Variants in NKAIN3 observed in about 807,000 individuals in gnomAD.
NKAIN3 encodes the protein sodium/potassium transporting ATPase interacting 3.
In NKAIN3, 25 loss-of-function variants were observed where a neutral mutation model predicts 30.2. That is an observed-to-expected ratio of 0.83 (90% CI 0.60 to 1.16). The LOEUF is 1.16. Among genes scored for constraint, NKAIN3 ranks in the 50% most tolerant of loss-of-function variants. The pLI is 0.00. For missense variants in NKAIN3, 225 were observed against 254.1 expected (o/e 0.89, Z 0.78); for synonymous variants, 91 against 89.6 (o/e 1.02, Z -0.09).
chr8:62,669,551 C>A (rs1195146138), intron 3 of NKAIN3, among the ~76,000 whole-genome samples: 1 of 152,142 alleles, frequency 6.6e-6, no homozygotes, highest in East Asian at 1.9e-4. Flanking sequence ...TGACTTTTTA[C>A]ATAATGTGTA....
At chr8:62,839,082 T>C (rs16929687) in intron 4 of NKAIN3, among the ~76,000 whole-genome samples, 16,779 of 152,022 alleles carry the variant, frequency 0.11, 983 homozygotes, top group African/African-American at 0.15. Flanking sequence ...CAGCTATCTC[T>C]CTAATAGGCA....
At chr8:62,916,517 C>G (rs557031394) in intron 4 of NKAIN3, among the ~76,000 whole-genome samples, 1 of 152,248 alleles carries the variant, frequency 6.6e-6, no homozygotes, top group Admixed American at 6.5e-5. Context: ...TGTTTGTTCT[C>G]TCACTGTCCC....
At chr8:62,304,339 G>T (rs1010287157) in intron 1 of NKAIN3, among the ~76,000 whole-genome samples, 1 of 150,432 alleles carries the variant, frequency 6.6e-6, no homozygotes, top group Non-Finnish European at 1.5e-5. Context: ...GGTCCACTAA[G>T]AAGCTGTTTT....
chr8:62,954,878 T>C (rs1823379263), intron 6 of NKAIN3, among the ~76,000 whole-genome samples: 2 of 152,214 alleles, frequency 1.3e-5, no homozygotes, highest in Non-Finnish European at 2.9e-5. Context: ...CTGAGATCTT[T>C]CCTGGGTAGC....
At position 62,344,066 on chromosome 8, in the gene NKAIN3, A is replaced by G. The variant is rs548283300; in HGVS notation, c.54+94939A>G. Among the ~76,000 whole-genome samples, 4 of 152,132 alleles carry G rather than the reference A, an allele frequency of 2.6e-5. No homozygotes were observed. In the South Asian group the frequency reaches 8.3e-4, roughly 32 times the overall value. On this transcript the variant is annotated intron_variant, in intron 1 of 6. Transcript: ENST00000623646. ...ATTTCATCTTGACATGAAAGTTTGG[A>G]TTGGTTGTTGAGATTCAGAAATCCC...
chr8:62,470,119 A>T (rs1806286045), intron 1 of NKAIN3, among the ~76,000 whole-genome samples: 1 of 152,184 alleles, frequency 6.6e-6, no homozygotes, highest in Admixed American at 6.5e-5. Context: ...ATATTGTTTT[A>T]TTGATTGGGT....
intron 1 of NKAIN3, among the ~76,000 whole-genome samples, chr8:62,302,218 C>A (rs771874976): frequency 2.0e-5 from 3 of 151,942 alleles, no homozygotes; most frequent in African/African-American, 7.2e-5. Flanking sequence ...TGTGGGTTAC[C>A]TACTCATTAG....
chr8:62,925,429 T>A (rs1294923222), intron 5 of NKAIN3, among the ~76,000 whole-genome samples: 1 of 152,204 alleles, frequency 6.6e-6, no homozygotes, highest in Non-Finnish European at 1.5e-5. Context: ...ATATCTTTTA[T>A]CAATTTTCCA....
intron 3 of NKAIN3, among the ~76,000 whole-genome samples, chr8:62,630,841 A>T (rs1407836328): frequency 1.3e-5 from 2 of 152,110 alleles, no homozygotes; most frequent in Non-Finnish European, 2.9e-5. Context: ...ATATTTCTTC[A>T]TCTGTTTTTC....
chr8:62,602,503 C>T (rs1322837197), intron 3 of NKAIN3, among the ~76,000 whole-genome samples: 2 of 152,018 alleles, frequency 1.3e-5, no homozygotes, highest in African/African-American at 4.8e-5. Context: ...ATCTTCTGCC[C>T]CAAACCCTCT....
intron 2 of NKAIN3, among the ~76,000 whole-genome samples, chr8:62,587,161 C>G (rs1810501236): frequency 1.3e-5 from 2 of 151,932 alleles, no homozygotes; most frequent in African/African-American, 4.8e-5. Context: ...ATATTTGTAT[C>G]TCTAGCTATC....
At chr8:62,626,809 C>T (rs1424059699) in intron 3 of NKAIN3, among the ~76,000 whole-genome samples, 1 of 152,138 alleles carries the variant, frequency 6.6e-6, no homozygotes, top group Non-Finnish European at 1.5e-5. Context: ...TTGCTGAATG[C>T]ACCTTCCCAT....
chr8:62,872,097 A>G (rs1179351650), intron 4 of NKAIN3, among the ~76,000 whole-genome samples: 1 of 152,228 alleles, frequency 6.6e-6, no homozygotes, highest in Non-Finnish European at 1.5e-5. Flanking sequence ...AGTATTCAGT[A>G]CAGTAACTTG....
intron 1 of NKAIN3, among the ~76,000 whole-genome samples, chr8:62,462,317 A>AT (rs1806023718): frequency 6.6e-6 from 1 of 152,202 alleles, no homozygotes; most frequent in African/African-American, 2.4e-5. Flanking sequence ...ATCACTAGCA[A>AT]TTTTTTTGCA....
intron 3 of NKAIN3, among the ~76,000 whole-genome samples, chr8:62,629,538 A>T (rs1811891081): frequency 6.6e-6 from 1 of 152,154 alleles, no homozygotes; most frequent in African/African-American, 2.4e-5. Flanking sequence ...AAATGAGATG[A>T]TGCTAGTAAA....
At chr8:62,573,080 C>T (rs999157010) in intron 1 of NKAIN3, among the ~76,000 whole-genome samples, 16 of 152,216 alleles carry the variant, frequency 1.1e-4, no homozygotes, top group Middle Eastern at 3.4e-3. Flanking sequence ...TAAGAAAACA[C>T]CTGACTCTGC....
At chr8:62,548,822 AC>A (rs1172182064) in intron 1 of NKAIN3, among the ~76,000 whole-genome samples, 3 of 151,244 alleles carry the variant, frequency 2.0e-5, no homozygotes, top group Non-Finnish European at 2.9e-5. Flanking sequence ...TATATGATGA[AC>A]AAATAAAATG....
chr8:62,720,501 T>C (rs1048571085), intron 3 of NKAIN3, among the ~76,000 whole-genome samples: 18 of 152,186 alleles, frequency 1.2e-4, no homozygotes, highest in African/African-American at 4.1e-4. Context: ...CTGTTTTTTG[T>C]TAATTGTTTA....
At chr8:62,328,085 C>T (rs1470727455) in intron 1 of NKAIN3, among the ~76,000 whole-genome samples, 35 of 152,076 alleles carry the variant, frequency 2.3e-4, no homozygotes, top group Admixed American at 2.3e-3. Flanking sequence ...ATTATGCCAA[C>T]TTATTCCATT....
Sources: gnomAD v4.1 joint callset for allele counts (sites outside exome capture counted in the v4.1 genomes callset) on GRCh38, gnomAD v4.1.1 for gene constraint, MANE v1.5 for transcripts, NCBI Gene and HGNC (gene_info 2026-07-23, HGNC 2026-07-21) for gene names.